ZFYVE27: variants seen among roughly 807,000 people sequenced by gnomAD.
The protein encoded by ZFYVE27 is protrudin.
A neutral mutation model predicts 52.8 loss-of-function variants in ZFYVE27; 36 were observed. The observed-to-expected ratio is 0.68, with a 90% confidence interval of 0.52 to 0.90. ZFYVE27 has a LOEUF of 0.90. Ranked by LOEUF, ZFYVE27 falls within the 40% of genes least tolerant of loss-of-function variation. ZFYVE27 has a pLI of 0.00. For missense variants in ZFYVE27, 450 were observed against 527.2 expected (o/e 0.85, Z 1.43); for synonymous variants, 223 against 215.6 (o/e 1.03, Z -0.30).
chr10:97,739,169 T>C (rs929952206), intron 2 of ZFYVE27, among the ~76,000 whole-genome samples: 1 of 151,180 alleles, frequency 6.6e-6, no homozygotes, highest in Non-Finnish European at 1.5e-5. Context: ...TGAACATGGC[T>C]CACTGTAGCC....
At chr10:97,752,971 T>A in intron 9 of ZFYVE27, 67 bp from the exon 10 acceptor site, 1 of 1,612,528 alleles carries the variant, frequency 6.2e-7, no homozygotes, top group Non-Finnish European at 8.5e-7. Context: ...CCGCGCAGGA[T>A]GCCTCTGCAC....
intron 4 of ZFYVE27, 124 bp from the exon 5 acceptor site, chr10:97,748,143 CTT>C: frequency 1.1e-6 from 1 of 910,318 alleles, no homozygotes; most frequent in Non-Finnish European, 1.7e-6. Flanking sequence ...ACTCCTCTCT[CTT>C]TAAGCACATG....
rs915844868 is a variant in ZFYVE27 at position 97,752,941 on chromosome 10, G to C, written c.897+64G>C. 1.1e-5 allele frequency: 18 copies of C among 1,612,830 alleles called. No individual in the cohort carries two copies. The Admixed American group carries it at 2.0e-4, about 18-fold the overall frequency. On this transcript the variant is annotated intron_variant, in intron 9 of 12. Transcript: ENST00000684270. ...GGGGAGGGTGGCTGAACCGGCTGCT[G>C]CCACACCTCGTGGGGGCTGCCGCGC... is the stretch of plus-strand genomic sequence containing the variant.
intron 7 of ZFYVE27, among the ~76,000 whole-genome samples, 173 bp downstream of exon 7, chr10:97,750,643 T>C (rs1224617048): frequency 6.6e-6 from 1 of 152,244 alleles, no homozygotes; most frequent in Non-Finnish European, 1.5e-5. Context: ...TACTCCATGC[T>C]TCACTGAGTG....
intron 1 of ZFYVE27, among the ~76,000 whole-genome samples, 173 bp from the exon 2 acceptor site, chr10:97,738,304 G>A (rs953487540): frequency 6.6e-6 from 1 of 152,164 alleles, no homozygotes; most frequent in Admixed American, 6.5e-5. Context: ...AGTTTTGATG[G>A]ATCTTTGGGG....
intron 8 of ZFYVE27, 117 bp downstream of exon 8, chr10:97,751,579 C>G: frequency 1.0e-6 from 1 of 972,486 alleles, no homozygotes; most frequent in Non-Finnish European, 1.6e-6. Context: ...TTGCTGTGAG[C>G]TAGAACTCAC....
Position 97,737,237 on chromosome 10 carries a change from G to C in ZFYVE27, c.-86G>C, listed in dbSNP as rs2042320381. 6.6e-6 allele frequency: 1 copy of C among 152,322 alleles called. No homozygotes were observed. The highest frequency in any genetic ancestry group is 6.5e-5 in the Admixed American group (1 of 15,292). 9.4% of individuals were successfully genotyped at this position (152,322 alleles called of 1,614,324 possible). A position where few individuals can be genotyped will look rare whatever the true frequency, so the allele number is the denominator to read the frequency against. On this transcript the variant is annotated 5_prime_UTR_variant, in exon 1 of 13. Coordinates refer to ENST00000684270, the MANE Select transcript of ZFYVE27 (RefSeq NM_001385875.1). ...GGAGGAGCGGCGTTCAGCCGGGGGA[G>C]GCCTGAAGAAACGCTCCGGGGCCCA...
At position 97,738,470 on chromosome 10, in the gene ZFYVE27, G is replaced by A. The variant is rs946880880; in HGVS notation, c.-1-7G>A. ...AATGCAAATGTTGGGAATTATTATG[G>A]TTACAGGATGCAGACATCAGAACGT... On this transcript the variant is annotated splice_polypyrimidine_tract_variant and splice_region_variant and intron_variant, in intron 1 of 12. Coordinates refer to ENST00000684270, the MANE Select transcript of ZFYVE27 (RefSeq NM_001385875.1). The A allele has an allele frequency of 6.2e-7, 1 of 1,613,730 alleles. No individual in the cohort carries two copies. Among genetic ancestry groups the A allele is most frequent in the Admixed American group, 1.7e-5 (1 of 60,030 alleles).
intron 4 of ZFYVE27, among the ~76,000 whole-genome samples, chr10:97,747,208 G>C (rs1358431638): frequency 6.6e-6 from 1 of 152,168 alleles, no homozygotes; most frequent in Admixed American, 6.5e-5. Context: ...CAGATTTAGA[G>C]TGTGACAAGT....
chr10:97,737,564 C>T (rs1023388399), intron 1 of ZFYVE27, among the ~76,000 whole-genome samples: 3 of 152,066 alleles, frequency 2.0e-5, no homozygotes, highest in Admixed American at 6.5e-5. Flanking sequence ...TGCCCTTTCG[C>T]CTTGGCTCGG....
intron 8 of ZFYVE27, 135 bp downstream of exon 8, chr10:97,751,597 A>C: frequency 1.1e-6 from 1 of 875,608 alleles, no homozygotes; most frequent in South Asian, 1.4e-5. Context: ...CACTGGTTGA[A>C]AGAGTGCCAC....
In ZFYVE27 at chr10:97,760,868, A is replaced by G. The variant is rs2049350848; in HGVS notation, c.*1568A>G. The G allele has an allele frequency of 6.6e-6, 1 of 152,238 alleles. No homozygotes were observed. The highest frequency in any genetic ancestry group is 6.5e-5 in the Admixed American group (1 of 15,288). The allele number at this position is 152,238 out of a possible 1,614,324, so 9.4% of individuals were successfully genotyped here. On this transcript the variant is annotated 3_prime_UTR_variant, in exon 13 of 13. Coordinates refer to ENST00000684270, the MANE Select transcript of ZFYVE27 (RefSeq NM_001385875.1). ...TAAAAGGATCTCTGTGTCTATGGAG[A>G]ATTGTCAATAAAAAGGCCTCAAGCT...
intron 1 of ZFYVE27, 120 bp downstream of exon 1, chr10:97,737,441 G>C (rs1240392696): frequency 1.3e-5 from 2 of 152,714 alleles, no homozygotes; most frequent in Admixed American, 6.5e-5. Flanking sequence ...GGCCTTCCCT[G>C]TCCAGCCTCA....
chr10:97,758,813 G>A (rs1469431744), intron 12 of ZFYVE27, among the ~76,000 whole-genome samples: 4 of 151,594 alleles, frequency 2.6e-5, no homozygotes, highest in Non-Finnish European at 5.9e-5. Flanking sequence ...ACAGAGTCTC[G>A]CTCTGTCGCC....
Position 97,757,678 on chromosome 10 carries a change from C to G in ZFYVE27, c.1126C>G (p.Arg376Gly). The change falls in exon 12 of 13, where the codon CGA (arginine) becomes GGA (glycine). Residue 376 changes from arginine (R) to glycine (G), a missense_variant. Coordinates refer to ENST00000684270, the MANE Select transcript of ZFYVE27 (RefSeq NM_001385875.1). Reference protein sequence around the residue: ...CSNCGNSFCSRCCSFKVPKSS... With the variant: ...CSNCGNSFCSGCCSFKVPKSS... ...TAATTGTGGAAACAGCTTCTGCTCTCGATGCTGCTCCTTCAAGGTGCCCAA... is the reference window on the plus strand; with the variant it reads ...TAATTGTGGAAACAGCTTCTGCTCTGGATGCTGCTCCTTCAAGGTGCCCAA... 2 of 1,614,230 alleles carry G rather than the reference C, an allele frequency of 1.2e-6. No homozygotes were observed. Among genetic ancestry groups the G allele is most frequent in the Non-Finnish European group, 1.7e-6 (2 of 1,180,042 alleles).
At chr10:97,750,210 G>C in intron 6 of ZFYVE27, 121 bp from the exon 7 acceptor site, 1 of 1,274,328 alleles carries the variant, frequency 7.8e-7, no homozygotes, top group Non-Finnish European at 1.1e-6. Flanking sequence ...GAGTTAGGAG[G>C]GTGACTCTTT....
intron 4 of ZFYVE27, among the ~76,000 whole-genome samples, chr10:97,747,687 T>C (rs1316724600): frequency 6.6e-6 from 1 of 152,220 alleles, no homozygotes; most frequent in Non-Finnish European, 1.5e-5. Flanking sequence ...TTTTGAATGC[T>C]TCCTTTATGG....
chr10:97,742,606 CA>C (rs1194690155), intron 2 of ZFYVE27, among the ~76,000 whole-genome samples: 9 of 152,020 alleles, frequency 5.9e-5, no homozygotes, highest in Non-Finnish European at 1.2e-4. Flanking sequence ...CTCAAATTTT[CA>C]AAAACATGGA....
rs2047425203 is a variant in ZFYVE27 at position 97,753,100 on chromosome 10, C to T, written c.960C>T (p.Phe320=). ...AGCTGGCCCTGCAGGACAACGGGTT[C>T]CTGAGCAAGAATGAGGTGCTGCGCA... ...EDELALQDNG[F]LSKNEVLRSK... Residue 320 remains phenylalanine, a synonymous_variant, in exon 10 of 13, where the codon TTC becomes TTT. Coordinates refer to ENST00000684270, the MANE Select transcript of ZFYVE27 (RefSeq NM_001385875.1). 2 of 1,611,510 alleles carry T rather than the reference C, an allele frequency of 1.2e-6. No homozygotes were observed. Among genetic ancestry groups the T allele is most frequent in the Non-Finnish European group, 1.7e-6 (2 of 1,179,170 alleles).
Sources: gnomAD v4.1 joint callset for allele counts (sites outside exome capture counted in the v4.1 genomes callset) on GRCh38, gnomAD v4.1.1 for gene constraint, MANE v1.5 for transcripts, NCBI Gene and HGNC (gene_info 2026-07-23, HGNC 2026-07-21) for gene names.